The following IQCJ variants were observed in gnomAD, a reference collection of about 807,000 sequenced individuals.
IQCJ encodes the protein IQ motif containing J, also known as IQ domain-containing protein J.
Under a neutral mutation model 11.0 loss-of-function variants are expected in IQCJ, and 9 were observed. The ratio of observed to expected loss-of-function variants is 0.82; its 90% CI spans 0.49 to 1.43. IQCJ has a LOEUF of 1.43. IQCJ is among the 40% of genes most tolerant of loss of function. The pLI, the probability that IQCJ is intolerant of heterozygous loss-of-function variation, is 0.00. For missense variants in IQCJ, 146 were observed against 133.2 expected (o/e 1.10, Z -0.47); for synonymous variants, 55 against 51.3 (o/e 1.07, Z -0.31).
chr3:159,197,833 T>C (rs1450673169), intron 1 of IQCJ, among the ~76,000 whole-genome samples: 5 of 149,930 alleles, frequency 3.3e-5, no homozygotes, highest in Non-Finnish European at 5.9e-5. Flanking sequence ...CTTTTCCTGT[T>C]TTTTTTTTTA....
intron 1 of IQCJ, among the ~76,000 whole-genome samples, chr3:159,224,599 C>T (rs892423347): frequency 6.6e-6 from 1 of 152,154 alleles, no homozygotes; most frequent in East Asian, 1.9e-4. Context: ...CTGCTATCAA[C>T]AGAGATATAA....
At chr3:159,213,507 A>C (rs1384691066) in intron 1 of IQCJ, among the ~76,000 whole-genome samples, 1 of 152,194 alleles carries the variant, frequency 6.6e-6, no homozygotes, top group Non-Finnish European at 1.5e-5. Flanking sequence ...GCATTTCAAA[A>C]CTGCAAAGTA....
At chr3:159,091,674 GCACACACA>G (rs1170628138) in intron 1 of IQCJ, among the ~76,000 whole-genome samples, 20,075 of 81,276 alleles carry the variant, frequency 0.25, 1,841 homozygotes, top group East Asian at 0.39. Context: ...ACACACGCAT[GCACACACA>G]CACACACACA....
rs143462303 is a variant in IQCJ at position 159,083,582 on chromosome 3, A to G, written c.9+14141A>G. Among the ~76,000 whole-genome samples the G allele has an allele frequency of 5.3e-5, 8 of 152,318 alleles. No homozygotes were observed. In the East Asian group the frequency reaches 1.2e-3, roughly 22 times the overall value. Reference sequence around the variant, plus strand: ...CTTACAGAACTAAAATGTGCTTACCATGCAACAGTATAATTGCACTGTTGG... The same window carrying G: ...CTTACAGAACTAAAATGTGCTTACCGTGCAACAGTATAATTGCACTGTTGG... On this transcript the variant is annotated intron_variant, in intron 1 of 3. Coordinates refer to ENST00000397832, the MANE Select transcript of IQCJ (RefSeq NM_001042706.3).
intron 1 of IQCJ, among the ~76,000 whole-genome samples, chr3:159,168,818 AC>A (rs1431285531): frequency 6.6e-6 from 1 of 151,796 alleles, no homozygotes; most frequent in East Asian, 1.9e-4. Context: ...TAAAAAAAAA[AC>A]CCAAAGAACA....
Position 159,142,767 on chromosome 3 carries a change from G to A in IQCJ, c.9+73326G>A, listed in dbSNP as rs534845069. On this transcript the variant is annotated intron_variant, in intron 1 of 3. Transcript: ENST00000397832. The stretch of plus-strand genomic sequence containing the variant: ...TTATTTTTTATTTTTGGAACGTAAT[G>A]CCAAATTATGGCCCAAAATACATAA... 2.0e-5 allele frequency among the ~76,000 whole-genome samples: 3 copies of A among 152,130 alleles called. No homozygotes were observed. The South Asian group carries it at 6.2e-4, about 32-fold the overall frequency.
At chr3:159,222,760 A>G (rs1725625333) in intron 1 of IQCJ, among the ~76,000 whole-genome samples, 1 of 152,170 alleles carries the variant, frequency 6.6e-6, no homozygotes, top group South Asian at 2.1e-4. Flanking sequence ...TTGCTTACCT[A>G]TAGTAATCAT....
chr3:159,175,125 G>A (rs962036598), intron 1 of IQCJ, among the ~76,000 whole-genome samples: 4 of 152,122 alleles, frequency 2.6e-5, no homozygotes, highest in African/African-American at 4.8e-5. Context: ...TTTAATGTAC[G>A]ATTCTATGAG....
intron 1 of IQCJ, among the ~76,000 whole-genome samples, chr3:159,094,555 G>A (rs1049595725): frequency 1.3e-5 from 2 of 150,020 alleles, no homozygotes; most frequent in African/African-American, 5.0e-5. Flanking sequence ...TACCTTACAC[G>A]ATTCCATCCT....
chr3:159,264,880 G>T (rs1728412875), downstream of IQCJ, among the ~76,000 whole-genome samples: 1 of 150,616 alleles, frequency 6.6e-6, no homozygotes, highest in Non-Finnish European at 1.5e-5. Context: ...TTGCGCCACT[G>T]CACTCCAGCC....
intron 1 of IQCJ, among the ~76,000 whole-genome samples, chr3:159,159,565 ATAT>A (rs1721717638): frequency 6.6e-6 from 1 of 152,204 alleles, no homozygotes; most frequent in Non-Finnish European, 1.5e-5. Flanking sequence ...TTTAATAACT[ATAT>A]TCCATTCTTA....
chr3:159,149,061 TTAAAA>T (rs1382679158), intron 1 of IQCJ, among the ~76,000 whole-genome samples: 1 of 152,238 alleles, frequency 6.6e-6, no homozygotes, highest in Non-Finnish European at 1.5e-5. Flanking sequence ...CACTAAATAA[TTAAAA>T]TAAACAAATG....
rs1259008392 is a variant in IQCJ, at chr3:159,263,637, G to A, written c.*906G>A. 1 of 985,122 alleles carries A rather than the reference G, an allele frequency of 1.0e-6. No individual in the cohort carries two copies. Among genetic ancestry groups the A allele is most frequent in the African/African-American group, 1.7e-5 (1 of 57,200 alleles). The allele number at this position is 985,122 out of a possible 1,614,324, so 61.0% of individuals were successfully genotyped here. On this transcript the variant is annotated 3_prime_UTR_variant, in exon 4 of 4. Coordinates refer to ENST00000397832, the MANE Select transcript of IQCJ (RefSeq NM_001042706.3). ...TACTTTTGGTTATCATGTTTATTCT[G>A]TGGTAAAAAGGTTTCCCAACACTCA...
At position 159,069,751 on chromosome 3, in the gene IQCJ, C is replaced by G. The variant is rs1559971982; in HGVS notation, c.9+310C>G. On this transcript the variant is annotated intron_variant, in intron 1 of 3. Coordinates refer to ENST00000397832, the MANE Select transcript of IQCJ (RefSeq NM_001042706.3). ...ATTTTCTAGTCAGATCTGTAAATAT[C>G]TTACACAACAACAGCAAGTAGAGGA... 3 of 553,978 alleles carry G rather than the reference C, an allele frequency of 5.4e-6. No homozygotes were observed. The African/African-American group carries it at 5.6e-5, about 10-fold the overall frequency. The allele number at this position is 553,978 out of a possible 1,614,324, so 34.3% of individuals were successfully genotyped here.
chr3:159,263,621 T>C lies in IQCJ; in HGVS notation c.*890T>C. 1 of 985,206 alleles carries C rather than the reference T, an allele frequency of 1.0e-6. No homozygotes were observed. The highest frequency in any genetic ancestry group is 4.7e-5 in the South Asian group (1 of 21,280). 61.0% of individuals were successfully genotyped at this position (985,206 alleles called of 1,614,324 possible). On this transcript the variant is annotated 3_prime_UTR_variant, in exon 4 of 4. Transcript: ENST00000397832. ...CCAAAAATTTTTCTTTTACTTTTGG[T>C]TATCATGTTTATTCTGTGGTAAAAA... is the stretch of plus-strand genomic sequence containing the variant.
chr3:159,262,798 T>A lies in IQCJ; in HGVS notation c.*67T>A. The A allele has an allele frequency of 6.5e-7, 1 of 1,543,270 alleles. No homozygotes were observed. Among genetic ancestry groups the A allele is most frequent in the Non-Finnish European group, 8.8e-7 (1 of 1,141,894 alleles). ...AGCAGGTGGTTTGTGACAGTGAAGA[T>A]CTATGTAGCTTATTTGCTACCCAGG... On this transcript the variant is annotated 3_prime_UTR_variant, in exon 4 of 4. Coordinates refer to ENST00000397832, the MANE Select transcript of IQCJ (RefSeq NM_001042706.3).
chr3:159,252,581 A>C (rs1727663784), intron 2 of IQCJ, 146 bp from the exon 3 acceptor site: 2 of 662,694 alleles, frequency 3.0e-6, no homozygotes, highest in Non-Finnish European at 4.7e-6. Flanking sequence ...CTCATCCATC[A>C]TCCATCAACA....
At chr3:159,086,085 A>AT (rs1315127730) in intron 1 of IQCJ, among the ~76,000 whole-genome samples, 1 of 152,100 alleles carries the variant, frequency 6.6e-6, no homozygotes, top group African/African-American at 2.4e-5. Flanking sequence ...TCTTGAATTG[A>AT]TTTTTGTATA....
chr3:159,169,569 C>T (rs1328749990), intron 1 of IQCJ, among the ~76,000 whole-genome samples: 3 of 152,084 alleles, frequency 2.0e-5, no homozygotes, highest in African/African-American at 7.2e-5. Context: ...GGATTACAGG[C>T]ATGAGCCACC....
Sources: gnomAD v4.1 joint callset for allele counts (sites outside exome capture counted in the v4.1 genomes callset) on GRCh38, gnomAD v4.1.1 for gene constraint, MANE v1.5 for transcripts, NCBI Gene and HGNC (gene_info 2026-07-23, HGNC 2026-07-21) for gene names.